DOCK1: variants seen among roughly 807,000 people sequenced by gnomAD.
DOCK1 encodes the protein dedicator of cytokinesis protein 1.
A neutral mutation model predicts 262.7 loss-of-function variants in DOCK1; 138 were observed. The ratio of observed to expected loss-of-function variants is 0.53; its 90% CI spans 0.46 to 0.61. DOCK1 has a LOEUF of 0.61. DOCK1 is among the 20% of genes least tolerant of loss of function. The pLI, the probability that DOCK1 is intolerant of heterozygous loss-of-function variation, is 0.00. For missense variants in DOCK1, 1,908 were observed against 2,370.7 expected (o/e 0.80, Z 4.05); for synonymous variants, 866 against 867.4 (o/e 1.00, Z 0.03).
chr10:127,410,361 T>C lies in DOCK1; in HGVS notation c.4344-479T>C, dbSNP rs117790053. ...TGCAGGGGAGAAATCAGTCTCAGTC[T>C]CTCCACGCCCTGCCCTGTGCATGCG... On this transcript the variant is annotated intron_variant, in intron 42 of 51. Transcript: ENST00000623213. 4.9e-3 allele frequency among the ~76,000 whole-genome samples: 746 copies of C among 152,268 alleles called. 3 individuals carry two copies. Among genetic ancestry groups the C allele is most frequent in the Non-Finnish European group, 8.2e-3 (559 of 68,018 alleles).
At chr10:127,141,324 G>A (rs909483774) in intron 27 of DOCK1, among the ~76,000 whole-genome samples, 5 of 152,160 alleles carry the variant, frequency 3.3e-5, no homozygotes, top group African/African-American at 7.2e-5. Context: ...TCCTCTTTCT[G>A]TTTCCAGCAA....
At chr10:127,403,234 C>A in intron 39 of DOCK1, 90 bp downstream of exon 39, 1 of 1,324,774 alleles carries the variant, frequency 7.5e-7, no homozygotes, top group Non-Finnish European at 1.0e-6. Flanking sequence ...TGTTAGGGTT[C>A]ACCCCAGGCA....
At chr10:127,150,059 A>G (rs2052337689) in intron 27 of DOCK1, among the ~76,000 whole-genome samples, 1 of 152,188 alleles carries the variant, frequency 6.6e-6, no homozygotes. Context: ...GTAAGTTTGC[A>G]TGGGAGAACA....
In DOCK1 at chr10:127,450,273, T is replaced by A. The variant is rs191621623; in HGVS notation, c.5566-1059T>A. On this transcript the variant is annotated intron_variant, in intron 51 of 51. Transcript: ENST00000623213. ...GAAATCTGGGCGATGAGTGAGAGAC[T>A]ACTGCGTCACTGTCTATCCTTGAAA... Among the ~76,000 whole-genome samples, 272 of 152,334 alleles carry A rather than the reference T, an allele frequency of 1.8e-3. 1 individual carries two copies. The highest frequency in any genetic ancestry group is 6.2e-3 in the African/African-American group (257 of 41,584).
chr10:126,981,246 A>G (rs371803065), intron 3 of DOCK1, among the ~76,000 whole-genome samples: 84 of 152,224 alleles, frequency 5.5e-4, no homozygotes, highest in African/African-American at 1.9e-3. Flanking sequence ...CTCGGACCCA[A>G]ACTCTTGATA....
At chr10:127,254,887 A>C (rs925282193) in intron 28 of DOCK1, among the ~76,000 whole-genome samples, 3 of 152,216 alleles carry the variant, frequency 2.0e-5, no homozygotes, top group Non-Finnish European at 4.4e-5. Context: ...TGAAAAGTGA[A>C]GCATGGGGAC....
At chr10:126,974,423 TCCTC>T (rs1421689643) in intron 2 of DOCK1, among the ~76,000 whole-genome samples, 3 of 152,188 alleles carry the variant, frequency 2.0e-5, no homozygotes, top group African/African-American at 4.8e-5. Context: ...CTGGACTGTG[TCCTC>T]CCCGAGTTTG....
At chr10:127,294,658 T>C (rs1401162956) in intron 29 of DOCK1, among the ~76,000 whole-genome samples, 1 of 150,022 alleles carries the variant, frequency 6.7e-6, no homozygotes, top group Non-Finnish European at 1.5e-5. Context: ...CTATTTTTTT[T>C]TTTTTTTTAA....
At chr10:127,252,566 A>T (rs2059688856) in intron 28 of DOCK1, among the ~76,000 whole-genome samples, 1 of 149,586 alleles carries the variant, frequency 6.7e-6, no homozygotes, top group Non-Finnish European at 1.5e-5. Context: ...TTTTTGTATA[A>T]GGTGTAAGGA....
chr10:127,186,202 A>T, intron 27 of DOCK1, among the ~76,000 whole-genome samples: 1 of 152,284 alleles, frequency 6.6e-6, no homozygotes, highest in Non-Finnish European at 1.5e-5. Context: ...TCACACTGCT[A>T]TGAAGAAATG....
At chr10:126,919,768 G>C (rs542613192) in intron 1 of DOCK1, among the ~76,000 whole-genome samples, 2 of 152,302 alleles carry the variant, frequency 1.3e-5, no homozygotes, top group Admixed American at 6.5e-5. Flanking sequence ...TGGTGGCTCC[G>C]TGTCCCCTGC....
intron 29 of DOCK1, among the ~76,000 whole-genome samples, chr10:127,331,443 G>A (rs1451253888): frequency 4.6e-5 from 7 of 152,018 alleles, no homozygotes; most frequent in South Asian, 2.1e-4. Flanking sequence ...CACCATGCCC[G>A]GGTAATTTTT....
chr10:126,949,407 C>T (rs2035975028), intron 1 of DOCK1, among the ~76,000 whole-genome samples: 2 of 152,110 alleles, frequency 1.3e-5, no homozygotes, highest in Non-Finnish European at 2.9e-5. Flanking sequence ...CAGCCCTGAG[C>T]CTTTGGCAGT....
At chr10:127,140,638 A>ACGTCTCTGGGTTG (rs2051143104) in intron 27 of DOCK1, among the ~76,000 whole-genome samples, 1 of 147,056 alleles carries the variant, frequency 6.8e-6, no homozygotes, top group Non-Finnish European at 1.5e-5. Flanking sequence ...TTGACACACC[A>ACGTCTCTGGGTTG]AGTCTCTGGG....
At chr10:127,017,364 C>CCCAGATACAGACACAGACATACAT (rs2042058026) in intron 12 of DOCK1, among the ~76,000 whole-genome samples, 1 of 151,400 alleles carries the variant, frequency 6.6e-6, no homozygotes, top group Non-Finnish European at 1.5e-5. Context: ...TACACATAAG[C>CCCAGATACAGACACAGACATACAT]ACAGATACAG....
intron 27 of DOCK1, among the ~76,000 whole-genome samples, chr10:127,215,680 G>A (rs1019337474): frequency 2.7e-4 from 41 of 152,038 alleles, no homozygotes; most frequent in African/African-American, 6.8e-4. Flanking sequence ...AAAATATGCC[G>A]CCCAAGGTTG....
At chr10:126,984,973 T>C (rs1591535853) in intron 4 of DOCK1, among the ~76,000 whole-genome samples, 1 of 127,614 alleles carries the variant, frequency 7.8e-6, no homozygotes, top group African/African-American at 2.8e-5. Context: ...TATGTCCCAT[T>C]CTTTTTTTTT....
intron 29 of DOCK1, among the ~76,000 whole-genome samples, chr10:127,314,459 A>G (rs1218900815): frequency 1.3e-5 from 2 of 152,228 alleles, no homozygotes; most frequent in Non-Finnish European, 2.9e-5. Context: ...AAGCCGGGAC[A>G]GCTTGAGCAA....
chr10:126,937,383 T>A (rs2034623247), intron 1 of DOCK1, among the ~76,000 whole-genome samples: 1 of 152,248 alleles, frequency 6.6e-6, no homozygotes, highest in African/African-American at 2.4e-5. Context: ...ATAGTAATTC[T>A]ATTTTTAGTT....
Sources: allele counts gnomAD v4.1 joint callset (sites outside exome capture counted in the v4.1 genomes callset), GRCh38; gene constraint gnomAD v4.1.1; transcripts MANE v1.5; gene names NCBI Gene and HGNC (gene_info 2026-07-23, HGNC 2026-07-21).